The following PDE7A variants were observed in gnomAD, a reference collection of about 807,000 sequenced individuals.
PDE7A encodes the protein phosphodiesterase 7A.
In PDE7A, 39 loss-of-function variants were observed where a neutral mutation model predicts 64.3. That is an observed-to-expected ratio of 0.61 (90% CI 0.47 to 0.79). The LOEUF is 0.79. PDE7A is among the 30% of genes least tolerant of loss of function. The probability of loss-of-function intolerance (pLI) is 0.00; values close to 1 mark genes in which losing one functional copy is unlikely to be tolerated. For missense variants in PDE7A, 470 were observed against 582.8 expected, an observed-to-expected ratio of 0.81 and a Z score of 1.99; for synonymous variants, 203 against 206.8, an observed-to-expected ratio of 0.98 and a Z score of 0.16.
intron 1 of PDE7A, among the ~76,000 whole-genome samples, chr8:65,831,585 A>G (rs1267875848): frequency 6.6e-6 from 1 of 152,144 alleles, no homozygotes; most frequent in East Asian, 1.9e-4. Flanking sequence ...TCTCTCATGG[A>G]AAGTAAAATT....
chr8:65,750,677 A>C (rs915237945), intron 3 of PDE7A, among the ~76,000 whole-genome samples: 1 of 152,108 alleles, frequency 6.6e-6, no homozygotes, highest in East Asian at 1.9e-4. Flanking sequence ...GGTTAAGTCA[A>C]TTGGTACTGT....
At chr8:65,811,481 C>T (rs1051170626) in intron 1 of PDE7A, among the ~76,000 whole-genome samples, 6 of 152,204 alleles carry the variant, frequency 3.9e-5, no homozygotes, top group African/African-American at 7.2e-5. Flanking sequence ...AGAAGCCAGA[C>T]GGCATGAGAG....
intron 3 of PDE7A, among the ~76,000 whole-genome samples, chr8:65,775,082 T>G (rs1420024647): frequency 6.6e-6 from 1 of 152,200 alleles, no homozygotes; most frequent in African/African-American, 2.4e-5. Flanking sequence ...AATATATTTT[T>G]GGGGTCAAGC....
At chr8:65,799,615 T>C (rs573189985) in intron 1 of PDE7A, among the ~76,000 whole-genome samples, 13 of 152,054 alleles carry the variant, frequency 8.5e-5, no homozygotes, top group African/African-American at 2.7e-4. Flanking sequence ...ATTTAAGAGG[T>C]TGATTTGCTT....
At chr8:65,751,475 GTTTTT>G (rs796547034) in intron 3 of PDE7A, among the ~76,000 whole-genome samples, 1 of 147,268 alleles carries the variant, frequency 6.8e-6, no homozygotes, top group Non-Finnish European at 1.5e-5. Flanking sequence ...CCTTCCTGAG[GTTTTT>G]TTTTTTCTTT....
At chr8:65,831,288 T>A (rs1810813269) in intron 1 of PDE7A, among the ~76,000 whole-genome samples, 4 of 152,284 alleles carry the variant, frequency 2.6e-5, no homozygotes, top group African/African-American at 7.2e-5. Flanking sequence ...TAAACTTATC[T>A]ACCCCCCTCT....
intron 6 of PDE7A, 48 bp downstream of exon 6, chr8:65,739,454 T>G (rs369688593): frequency 6.7e-7 from 1 of 1,503,452 alleles, no homozygotes; most frequent in Admixed American, 2.6e-5. Context: ...AAACAGGTTC[T>G]TGTATAAATG....
At chr8:65,741,108 C>G (rs1585854176) in intron 5 of PDE7A, among the ~76,000 whole-genome samples, 1 of 151,982 alleles carries the variant, frequency 6.6e-6, no homozygotes, top group African/African-American at 2.4e-5. Context: ...TTTTTTATAC[C>G]TCCTATTATA....
rs554999999 is a variant in PDE7A at position 65,717,198 on chromosome 8, C to T, written c.*2092G>A. Among the ~76,000 whole-genome samples the T allele has an allele frequency of 1.3e-5, 2 of 152,284 alleles. No individual in the cohort carries two copies. Among genetic ancestry groups the T allele is most frequent in the Admixed American group, 6.5e-5 (1 of 15,298 alleles). Reference sequence around the variant, plus strand: ...ATTCTGTTTCTATTGGACATCAACACTCTTCTGTACAAATAATATGTTAAT... The same window carrying T: ...ATTCTGTTTCTATTGGACATCAACATTCTTCTGTACAAATAATATGTTAAT... On this transcript the variant is annotated 3_prime_UTR_variant, in exon 13 of 13. Coordinates refer to ENST00000401827, the MANE Select transcript of PDE7A (RefSeq NM_001242318.3).
At chr8:65,759,795 G>C (rs903479115) in intron 3 of PDE7A, among the ~76,000 whole-genome samples, 11 of 152,028 alleles carry the variant, frequency 7.2e-5, no homozygotes, top group African/African-American at 2.7e-4. Flanking sequence ...AATGGGGAAA[G>C]GTTGCATGTG....
chr8:65,765,476 G>C (rs1411050262), intron 3 of PDE7A: 1 of 100,526 alleles, frequency 9.9e-6, no homozygotes, highest in Non-Finnish European at 1.8e-5. Context: ...GCGACAGAGC[G>C]AGACTCCGTC....
In PDE7A at chr8:65,819,546, T is replaced by C. The variant is rs962014828; in HGVS notation, c.138+21825A>G. ...TAATTAGCATGTCCTTACAAAGTTATTGTTAACAGCAAAAAAATTAAAGCA... is the reference window on the plus strand; with the variant it reads ...TAATTAGCATGTCCTTACAAAGTTACTGTTAACAGCAAAAAAATTAAAGCA... On this transcript the variant is annotated intron_variant, in intron 1 of 12. Transcript: ENST00000401827. Among the ~76,000 whole-genome samples, 4 of 152,230 alleles carry C rather than the reference T, an allele frequency of 2.6e-5. No homozygotes were observed. The South Asian group carries it at 6.2e-4, about 24-fold the overall frequency.
In PDE7A at chr8:65,723,615, A is replaced by G. The variant is rs141378551; in HGVS notation, c.1169T>C (p.Ile390Thr). Residue 390 changes from isoleucine to threonine, a missense_variant, in exon 12 of 13, where the codon ATA becomes ACA. Physicochemically the swap from Ile to Thr is moderately conservative, Grantham distance 89. Transcript: ENST00000401827. ...VTEEFFHQGDIEKKYHLGVSP... is the reference protein window; with the variant it reads ...VTEEFFHQGDTEKKYHLGVSP... The stretch of plus-strand genomic sequence containing the variant: ...CACACCCAAATGATATTTTTTTTCT[A>G]TATCTCCTATAAATTAAAAAAAGAG... 2.4e-5 allele frequency: 37 copies of G among 1,556,068 alleles called. No individual in the cohort carries two copies. The highest frequency in any genetic ancestry group is 2.3e-4 in the South Asian group (18 of 79,826).
At position 65,716,137 on chromosome 8, in the gene PDE7A, A is replaced by G; in HGVS notation, c.*3153T>C. On this transcript the variant is annotated 3_prime_UTR_variant, in exon 13 of 13. Transcript: ENST00000401827. Reference sequence around the variant, plus strand: ...CTGCACTCCAGCCTAGTTAGCAGCGAGACCCTGTCTCAAAAAAAAAAAAAA... The same window carrying G: ...CTGCACTCCAGCCTAGTTAGCAGCGGGACCCTGTCTCAAAAAAAAAAAAAA... Among the ~76,000 whole-genome samples, 1 of 148,052 alleles carries G rather than the reference A, an allele frequency of 6.8e-6. No homozygotes were observed. Among genetic ancestry groups the G allele is most frequent in the Non-Finnish European group, 1.5e-5 (1 of 66,870 alleles).
chr8:65,819,950 C>T (rs59025799), intron 1 of PDE7A, among the ~76,000 whole-genome samples: 2,778 of 152,336 alleles, frequency 0.018, 96 homozygotes, highest in African/African-American at 0.063. Context: ...CTCCTCCCCA[C>T]AGACTGAAGT....
At chr8:65,783,033 A>G (rs1809459975) in intron 1 of PDE7A, among the ~76,000 whole-genome samples, 190 bp from the exon 2 acceptor site, 1 of 152,218 alleles carries the variant, frequency 6.6e-6, no homozygotes, top group Admixed American at 6.5e-5. Flanking sequence ...TAATTGTAAT[A>G]CAGTATGGTT....
intron 1 of PDE7A, among the ~76,000 whole-genome samples, chr8:65,820,386 A>C (rs1215993883): frequency 1.3e-5 from 2 of 152,072 alleles, no homozygotes; most frequent in Non-Finnish European, 2.9e-5. Context: ...ACAGAGTGAG[A>C]CCCTGTTTCA....
chr8:65,830,777 G>A (rs984851549), intron 1 of PDE7A, among the ~76,000 whole-genome samples: 2 of 152,024 alleles, frequency 1.3e-5, no homozygotes, highest in Non-Finnish European at 2.9e-5. Context: ...TCAGAACTGA[G>A]TGACCATTAA....
rs546447706 is a variant in PDE7A, at chr8:65,766,031, C to T, written c.283+13689G>A. On this transcript the variant is annotated intron_variant, in intron 3 of 12. Transcript: ENST00000401827. ...CACTATCTCAACTCACTGCAACCTCCGCCTCTTGGGTTCATGCCATTCTCC... is the reference window on the plus strand; with the variant it reads ...CACTATCTCAACTCACTGCAACCTCTGCCTCTTGGGTTCATGCCATTCTCC... 1.6e-3 allele frequency among the ~76,000 whole-genome samples: 238 copies of T among 152,266 alleles called. 1 individual carries two copies. The highest frequency in any genetic ancestry group is 5.3e-3 in the African/African-American group (222 of 41,548).
Sources: gnomAD v4.1 joint callset for allele counts (sites outside exome capture counted in the v4.1 genomes callset) on GRCh38, gnomAD v4.1.1 for gene constraint, MANE v1.5 for transcripts, NCBI Gene and HGNC (gene_info 2026-07-23, HGNC 2026-07-21) for gene names.